GFRA1: variants seen among roughly 807,000 people sequenced by gnomAD.
GFRA1 encodes the protein GDNF family receptor alpha-1.
Under a neutral mutation model 51.6 loss-of-function variants are expected in GFRA1, and 16 were observed. The observed-to-expected ratio is 0.31, with a 90% CI of 0.21 to 0.47. The LOEUF is 0.47. Among genes scored for constraint, GFRA1 ranks in the 20% least tolerant of loss-of-function variants. The probability of loss-of-function intolerance (pLI) is 1.00; values close to 1 mark genes in which losing one functional copy is unlikely to be tolerated. For missense variants in GFRA1, 530 were observed against 594.3 expected (o/e 0.89, Z 1.13); for synonymous variants, 270 against 241.3 (o/e 1.12, Z -1.10).
chr10:116,072,777 A>AAAC (rs1424552186), intron 9 of GFRA1, among the ~76,000 whole-genome samples: 1 of 151,898 alleles, frequency 6.6e-6, no homozygotes, highest in Non-Finnish European at 1.5e-5. Flanking sequence ...AAACAAAACA[A>AAAC]AACAAAAAAA....
chr10:116,060,452 C>T lies in GFRA1; in HGVS notation c.*3946G>A, dbSNP rs1304252101. 2 of 152,218 alleles carry T rather than the reference C, an allele frequency of 1.3e-5. No individual in the cohort carries two copies. Among genetic ancestry groups the T allele is most frequent in the African/African-American group, 2.4e-5 (1 of 41,460 alleles). 9.4% of individuals were successfully genotyped at this position (152,218 alleles called of 1,614,324 possible). ...TTCGTTAGAAGGTCCCTGTTCTGAT[C>T]AGTAAGGAACATCAGCGGACTCTCA... On this transcript the variant is annotated 3_prime_UTR_variant, in exon 11 of 11. Coordinates refer to ENST00000355422, the MANE Select transcript of GFRA1 (RefSeq NM_005264.8).
intron 5 of GFRA1, among the ~76,000 whole-genome samples, chr10:116,181,121 A>T (rs1353084927): frequency 6.6e-6 from 1 of 152,344 alleles, no homozygotes; most frequent in East Asian, 1.9e-4. Flanking sequence ...GAACCCAGGT[A>T]CAAAGATGTT....
chr10:116,096,471 A>AT (rs1306628666), intron 7 of GFRA1, among the ~76,000 whole-genome samples, 184 bp downstream of exon 7: 6 of 137,662 alleles, frequency 4.4e-5, no homozygotes, highest in African/African-American at 1.3e-4. Context: ...CCATTATCCC[A>AT]TTTTTTTCTT....
chr10:116,108,195 T>A (rs577139694), intron 6 of GFRA1, among the ~76,000 whole-genome samples: 1 of 152,318 alleles, frequency 6.6e-6, no homozygotes, highest in African/African-American at 2.4e-5. Flanking sequence ...TAAGGAAAAT[T>A]ATATTCAATA....
intron 6 of GFRA1, among the ~76,000 whole-genome samples, chr10:116,124,014 C>T (rs1336746423): frequency 6.6e-6 from 1 of 152,152 alleles, no homozygotes; most frequent in East Asian, 1.9e-4. Context: ...AAGCAATTCT[C>T]CTGCCTCAGC....
intron 5 of GFRA1, among the ~76,000 whole-genome samples, chr10:116,173,587 C>T (rs1397781236): frequency 6.6e-6 from 1 of 152,124 alleles, no homozygotes; most frequent in Non-Finnish European, 1.5e-5. Context: ...AACTATTCAT[C>T]GTTTTTAAGG....
chr10:116,163,771 A>C (rs1371416167), intron 5 of GFRA1, among the ~76,000 whole-genome samples: 1 of 152,166 alleles, frequency 6.6e-6, no homozygotes, highest in Non-Finnish European at 1.5e-5. Flanking sequence ...ATGAGCCATA[A>C]GGTCACACTC....
At chr10:116,244,461 T>C (rs961938016) in intron 4 of GFRA1, among the ~76,000 whole-genome samples, 3 of 145,404 alleles carry the variant, frequency 2.1e-5, no homozygotes, top group Non-Finnish European at 3.0e-5. Flanking sequence ...TTTAATTTAA[T>C]TTTAATATAT....
chr10:116,157,246 G>C lies in GFRA1; in HGVS notation c.434-31689C>G, dbSNP rs143719520. 9.2e-5 allele frequency among the ~76,000 whole-genome samples: 14 copies of C among 152,328 alleles called. No individual in the cohort carries two copies. In the East Asian group the frequency reaches 2.7e-3, roughly 29 times the overall value. ...TTGAGGAAATGCTGCTGGCTGACTT[G>C]AAATCAAATTGTCTTCAATGTCTAT... On this transcript the variant is annotated intron_variant, in intron 5 of 10. Transcript: ENST00000355422.
intron 7 of GFRA1, among the ~76,000 whole-genome samples, chr10:116,094,596 C>T (rs139607816): frequency 3.1e-3 from 472 of 152,298 alleles, no homozygotes; most frequent in Non-Finnish European, 5.3e-3. Flanking sequence ...CGACACCAGG[C>T]AATGCCCGCT....
At chr10:116,234,862 TG>T (rs34823097) in intron 4 of GFRA1, among the ~76,000 whole-genome samples, 6 of 152,038 alleles carry the variant, frequency 3.9e-5, no homozygotes, top group Non-Finnish European at 7.4e-5. Flanking sequence ...TAATCATGGG[TG>T]GGGGGGTTCC....
At chr10:116,098,314 C>T (rs1003192853) in intron 6 of GFRA1, among the ~76,000 whole-genome samples, 2 of 152,220 alleles carry the variant, frequency 1.3e-5, no homozygotes, top group East Asian at 1.9e-4. Flanking sequence ...GTGGCAACCA[C>T]GGTCCGTGCC....
intron 9 of GFRA1, among the ~76,000 whole-genome samples, chr10:116,082,677 C>A (rs986193350): frequency 1.3e-5 from 2 of 152,100 alleles, no homozygotes; most frequent in African/African-American, 4.8e-5. Flanking sequence ...TGGGGTTTCT[C>A]CATGTTGGTC....
Position 116,272,895 on chromosome 10 carries a change from G to C in GFRA1, c.-247+268C>G, listed in dbSNP as rs561141677. The C allele has an allele frequency of 6.6e-6, 1 of 152,516 alleles. No homozygotes were observed. The highest frequency in any genetic ancestry group is 2.4e-5 in the African/African-American group (1 of 41,568). The allele number at this position is 152,516 out of a possible 1,614,324, so 9.4% of individuals were successfully genotyped here. A position where few individuals can be genotyped will look rare whatever the true frequency, so the allele number is the denominator to read the frequency against. ...GCCGCGCGTCCTCGGCTCCCTCCTGGGCGTCCGCTCCTCTCACACTCTCGC... is the reference window on the plus strand; with the variant it reads ...GCCGCGCGTCCTCGGCTCCCTCCTGCGCGTCCGCTCCTCTCACACTCTCGC... On this transcript the variant is annotated intron_variant, in intron 1 of 10. Transcript: ENST00000355422. This position sits in a 1 kb window ranked among gnomAD's most constrained non-coding sequence, Gnocchi z 4.4.
chr10:116,258,957 T>C (rs1457870201), intron 4 of GFRA1, among the ~76,000 whole-genome samples: 1 of 152,188 alleles, frequency 6.6e-6, no homozygotes, highest in Non-Finnish European at 1.5e-5. Flanking sequence ...CACTTGCCAT[T>C]CCCAAGCTAA....
rs1239044574 is a variant in GFRA1 at position 116,063,898 on chromosome 10, T to C, written c.*500A>G. On this transcript the variant is annotated 3_prime_UTR_variant, in exon 11 of 11. Coordinates refer to ENST00000355422, the MANE Select transcript of GFRA1 (RefSeq NM_005264.8). ...AGCCCACTCTTGGTAAGAATCTTCT[T>C]TGTGGCAAAAAAGCTTGGCATCAAT... 6 of 173,296 alleles carry C rather than the reference T, an allele frequency of 3.5e-5. No homozygotes were observed. Among genetic ancestry groups the C allele is most frequent in the Admixed American group, 5.6e-5 (1 of 17,836 alleles). The allele number at this position is 173,296 out of a possible 1,614,324, so 10.7% of individuals were successfully genotyped here.
chr10:116,256,996 C>CA, intron 4 of GFRA1, among the ~76,000 whole-genome samples: 1 of 65,048 alleles, frequency 1.5e-5, no homozygotes, highest in Admixed American at 1.5e-4. Context: ...GAGCCCAGGA[C>CA]AAAAGGCAGT....
rs555809924 is a variant in GFRA1 at position 116,071,079 on chromosome 10, AT to A, written c.1198-5454del. On this transcript the variant is annotated intron_variant, in intron 9 of 10. Coordinates refer to ENST00000355422, the MANE Select transcript of GFRA1 (RefSeq NM_005264.8). ...CCTGAGCTCAGCAATGAAGGGATCC[AT>A]TTCCTCCAAGCTTAATTTTGCCAAG... 9.3e-4 allele frequency among the ~76,000 whole-genome samples: 142 copies of A among 152,286 alleles called. 3 individuals are homozygous for A. In the South Asian group the frequency reaches 0.028, roughly 30 times the overall value.
At chr10:116,154,138 T>C (rs1959160004) in intron 5 of GFRA1, among the ~76,000 whole-genome samples, 1 of 151,784 alleles carries the variant, frequency 6.6e-6, no homozygotes, top group Admixed American at 6.6e-5. Flanking sequence ...CTGGTGGGAG[T>C]GCCAATTGGT....
Sources: allele counts gnomAD v4.1 joint callset (sites outside exome capture counted in the v4.1 genomes callset), GRCh38; gene constraint gnomAD v4.1.1; non-coding constraint Gnocchi (gnomAD v3.1); transcripts MANE v1.5; gene names NCBI Gene and HGNC (gene_info 2026-07-23, HGNC 2026-07-21).